CTNNA3: variants seen among roughly 807,000 people sequenced by gnomAD.
CTNNA3 encodes the protein catenin alpha-3.
In CTNNA3, 76 loss-of-function variants were observed where a neutral mutation model predicts 95.7. The ratio of observed to expected loss-of-function variants is 0.79; its 90% CI spans 0.66 to 0.96. The LOEUF (loss-of-function observed/expected upper bound fraction) is 0.96. Ranked by LOEUF, CTNNA3 falls within the 40% of genes least tolerant of loss-of-function variation. The probability of loss-of-function intolerance (pLI) is 0.00; values close to 1 mark genes in which losing one functional copy is unlikely to be tolerated. For missense variants in CTNNA3, 1,191 were observed against 1,089.8 expected (o/e 1.09, Z -1.31); for synonymous variants, 431 against 374.4 (o/e 1.15, Z -1.74).
At chr10:67,494,142 C>T (rs1355261502) in intron 5 of CTNNA3, among the ~76,000 whole-genome samples, 1 of 152,096 alleles carries the variant, frequency 6.6e-6, no homozygotes, top group East Asian at 1.9e-4. Flanking sequence ...CTATCCAAAC[C>T]AGATGAAATG....
At chr10:67,395,396 G>T (rs1472035215) in intron 5 of CTNNA3, among the ~76,000 whole-genome samples, 1 of 152,060 alleles carries the variant, frequency 6.6e-6, no homozygotes, top group Non-Finnish European at 1.5e-5. Flanking sequence ...TAAAGCTGTG[G>T]GCCAGGAGCC....
intron 5 of CTNNA3, among the ~76,000 whole-genome samples, chr10:67,422,920 T>C (rs936959800): frequency 2.2e-4 from 33 of 152,148 alleles, no homozygotes; most frequent in African/African-American, 8.0e-4. Context: ...AATAGAGGAA[T>C]GTTCTTTCTA....
chr10:66,118,580 C>T (rs1465596862), intron 13 of CTNNA3, among the ~76,000 whole-genome samples: 1 of 152,142 alleles, frequency 6.6e-6, no homozygotes, highest in Non-Finnish European at 1.5e-5. Flanking sequence ...CTTATCTTTC[C>T]ACCTATTCAA....
At chr10:67,033,781 GT>G (rs1002548895) in intron 7 of CTNNA3, among the ~76,000 whole-genome samples, 1 of 151,558 alleles carries the variant, frequency 6.6e-6, no homozygotes, top group Non-Finnish European at 1.5e-5. Flanking sequence ...GTTTCTTTTT[GT>G]TTTTTTTGGA....
At position 66,562,910 on chromosome 10, in the gene CTNNA3, T is replaced by C. The variant is rs138291303; in HGVS notation, c.1375-42137A>G. ...TCCAACATAGCATAACTCCTATTAATGATCACTTTTATTGCATTTCAGGAA... is the reference window on the plus strand; with the variant it reads ...TCCAACATAGCATAACTCCTATTAACGATCACTTTTATTGCATTTCAGGAA... On this transcript the variant is annotated intron_variant, in intron 10 of 17. Coordinates refer to ENST00000433211, the MANE Select transcript of CTNNA3 (RefSeq NM_013266.4). Among the ~76,000 whole-genome samples, 15 of 152,244 alleles carry C rather than the reference T, an allele frequency of 9.9e-5. No homozygotes were observed. In the East Asian group the frequency reaches 2.9e-3, roughly 29 times the overall value.
chr10:66,534,374 G>A (rs1432561463), intron 10 of CTNNA3, among the ~76,000 whole-genome samples: 1 of 151,282 alleles, frequency 6.6e-6, no homozygotes, highest in Non-Finnish European at 1.5e-5. Context: ...CAGTATAGGT[G>A]GTAGATTAAA....
intron 1 of CTNNA3, among the ~76,000 whole-genome samples, chr10:67,751,425 G>T (rs1432225594): frequency 6.6e-6 from 1 of 152,132 alleles, no homozygotes; most frequent in Non-Finnish European, 1.5e-5. Flanking sequence ...TCACAGAAAA[G>T]CATGGCTTGA....
intron 5 of CTNNA3, among the ~76,000 whole-genome samples, chr10:67,226,051 T>C (rs536462594): frequency 9.9e-5 from 15 of 152,156 alleles, no homozygotes; most frequent in Middle Eastern, 3.4e-3. Context: ...TCAGGAAACA[T>C]TGGACACACT....
At chr10:66,375,621 A>G (rs1216291000) in intron 12 of CTNNA3, among the ~76,000 whole-genome samples, 1 of 152,128 alleles carries the variant, frequency 6.6e-6, no homozygotes, top group Non-Finnish European at 1.5e-5. Context: ...ATCAAGCTAC[A>G]AAATGCAAGA....
intron 7 of CTNNA3, among the ~76,000 whole-genome samples, chr10:67,021,317 G>A (rs535268646): frequency 2.6e-4 from 39 of 152,124 alleles, no homozygotes; most frequent in South Asian, 2.1e-3. Flanking sequence ...AACAATAATT[G>A]TGAGGTTAAA....
At chr10:66,968,192 T>C (rs1443140929) in intron 7 of CTNNA3, among the ~76,000 whole-genome samples, 1 of 152,008 alleles carries the variant, frequency 6.6e-6, no homozygotes, top group Non-Finnish European at 1.5e-5. Context: ...ATCTCTACCA[T>C]CATCAAATAA....
chr10:67,231,987 G>A (rs1865233880), intron 5 of CTNNA3, among the ~76,000 whole-genome samples: 1 of 152,270 alleles, frequency 6.6e-6, no homozygotes, highest in South Asian at 2.1e-4. Context: ...AACGAGCAAA[G>A]CCTCCAAGAA....
intron 9 of CTNNA3, among the ~76,000 whole-genome samples, chr10:66,735,390 T>A (rs1430743831): frequency 6.6e-6 from 1 of 152,124 alleles, no homozygotes. Flanking sequence ...TCATGACTAA[T>A]GGTACATTAA....
intron 7 of CTNNA3, among the ~76,000 whole-genome samples, chr10:66,828,899 A>G (rs1842610831): frequency 6.6e-6 from 1 of 152,240 alleles, no homozygotes; most frequent in Admixed American, 6.5e-5. Context: ...ATTGCATACT[A>G]TGACTGCACA....
At chr10:67,232,008 A>C (rs1301328232) in intron 5 of CTNNA3, among the ~76,000 whole-genome samples, 1 of 152,190 alleles carries the variant, frequency 6.6e-6, no homozygotes, top group Non-Finnish European at 1.5e-5. Flanking sequence ...ATATGGGACT[A>C]TGTGAAAAGA....
At chr10:67,566,915 G>T (rs939757080) in intron 3 of CTNNA3, among the ~76,000 whole-genome samples, 3 of 150,456 alleles carry the variant, frequency 2.0e-5, no homozygotes, top group South Asian at 2.1e-4. Flanking sequence ...GTAAACTATC[G>T]CAAGGACAAA....
At chr10:66,691,470 G>A (rs1847534479) in intron 9 of CTNNA3, among the ~76,000 whole-genome samples, 1 of 152,218 alleles carries the variant, frequency 6.6e-6, no homozygotes, top group Non-Finnish European at 1.5e-5. Flanking sequence ...CTCGAACTAG[G>A]TGGAGCCCAC....
intron 7 of CTNNA3, among the ~76,000 whole-genome samples, chr10:67,032,721 T>G (rs1853807214): frequency 6.6e-6 from 1 of 152,188 alleles, no homozygotes; most frequent in Non-Finnish European, 1.5e-5. Flanking sequence ...TAATATCCTG[T>G]GTAAAAGAAG....
At chr10:67,225,168 C>G (rs1479723605) in intron 5 of CTNNA3, among the ~76,000 whole-genome samples, 2 of 152,124 alleles carry the variant, frequency 1.3e-5, no homozygotes, top group African/African-American at 4.8e-5. Context: ...AGGTGCACAA[C>G]TCCATTGACC....
Sources: allele counts gnomAD v4.1 joint callset (sites outside exome capture counted in the v4.1 genomes callset), GRCh38; gene constraint gnomAD v4.1.1; transcripts MANE v1.5; gene names NCBI Gene and HGNC (gene_info 2026-07-23, HGNC 2026-07-21).